ZNF529: variants seen among roughly 807,000 people sequenced by gnomAD.
The protein encoded by ZNF529 is zinc finger protein 529.
ZNF529 carries 11 observed loss-of-function variants against 10.1 expected under a neutral mutation model. That is an observed-to-expected ratio of 1.09 (90% CI 0.69 to 1.81). ZNF529 has a LOEUF of 1.81. ZNF529 is among the 40% of genes most tolerant of loss of function. The pLI, the probability that ZNF529 is intolerant of heterozygous loss-of-function variation, is 0.00. For missense variants in ZNF529, 624 were observed against 666.8 expected (o/e 0.94, Z 0.71); for synonymous variants, 204 against 215.7 (o/e 0.95, Z 0.47).
At chr19:36,574,014 C>T (rs1336498453), upstream of ZNF529, among the ~76,000 whole-genome samples, 1 of 152,132 alleles carries the variant, frequency 6.6e-6, no homozygotes, top group African/African-American at 2.4e-5. Flanking sequence ...TGCCTTAGGG[C>T]GTGTTTTACA....
intron 1 of ZNF529, among the ~76,000 whole-genome samples, chr19:36,604,402 G>C (rs1355821667): frequency 6.6e-6 from 1 of 151,980 alleles, no homozygotes; most frequent in African/African-American, 2.4e-5. Context: ...CTTTCTTTTC[G>C]ATAGCCATTT....
At chr19:36,566,829 G>A (rs889288043) in intron 2 of ZNF529, among the ~76,000 whole-genome samples, 2 of 152,014 alleles carry the variant, frequency 1.3e-5, no homozygotes, top group South Asian at 2.1e-4. Context: ...AGACCAGCCC[G>A]GCCAATATGG....
chr19:36,592,168 C>T (rs1006171544), intron 1 of ZNF529, among the ~76,000 whole-genome samples: 3 of 151,250 alleles, frequency 2.0e-5, no homozygotes, highest in African/African-American at 7.3e-5. Context: ...GCTTGTACTC[C>T]CAGTTACTTG....
At chr19:36,569,254 C>T (rs965399395) in intron 2 of ZNF529, among the ~76,000 whole-genome samples, 1 of 151,998 alleles carries the variant, frequency 6.6e-6, no homozygotes, top group African/African-American at 2.4e-5. Context: ...CAAAAGACTG[C>T]AAGGCATACA....
intron 1 of ZNF529, among the ~76,000 whole-genome samples, chr19:36,599,657 A>T (rs192343964): frequency 6.6e-6 from 1 of 152,346 alleles, no homozygotes; most frequent in East Asian, 1.9e-4. Flanking sequence ...TTATAAGTCA[A>T]CTTAGGTTAC....
intron 2 of ZNF529, among the ~76,000 whole-genome samples, chr19:36,585,143 G>A (rs2036552930): frequency 6.6e-6 from 1 of 152,184 alleles, no homozygotes; most frequent in African/African-American, 2.4e-5. Flanking sequence ...TTGCCTCTCT[G>A]AGTTTGTAGT....
At chr19:36,592,181 A>C (rs993643010) in intron 1 of ZNF529, among the ~76,000 whole-genome samples, 1 of 144,678 alleles carries the variant, frequency 6.9e-6, no homozygotes, top group Non-Finnish European at 1.5e-5. Context: ...GTTACTTGGG[A>C]GGCTGAGGTG....
At chr19:36,591,766 A>T (rs1007801179) in intron 1 of ZNF529, among the ~76,000 whole-genome samples, 1 of 152,010 alleles carries the variant, frequency 6.6e-6, no homozygotes, top group African/African-American at 2.4e-5. Context: ...TCAAAAAAAG[A>T]AATCTCCAGG....
intron 1 of ZNF529, among the ~76,000 whole-genome samples, chr19:36,592,063 C>T (rs527739286): frequency 2.0e-5 from 3 of 151,004 alleles, no homozygotes; most frequent in East Asian, 3.9e-4. Flanking sequence ...CACTTGAGGT[C>T]GGGAGTTGGG....
intron 2 of ZNF529, among the ~76,000 whole-genome samples, chr19:36,558,874 A>C (rs2035576200): frequency 6.6e-6 from 1 of 152,100 alleles, no homozygotes; most frequent in African/African-American, 2.4e-5. Flanking sequence ...AAATATGTGC[A>C]AATTATATAT....
In ZNF529 at chr19:36,544,856, A is replaced by C. The variant is rs1404489977; in HGVS notation, c.*2010T>G. On this transcript the variant is annotated 3_prime_UTR_variant, in exon 5 of 5. Transcript: ENST00000591340. Reference sequence around the variant, plus strand: ...GTACATAAATTCTGGGAAAGACATCAGTTTCAAAAATTAAAATGTAATGAA... The same window carrying C: ...GTACATAAATTCTGGGAAAGACATCCGTTTCAAAAATTAAAATGTAATGAA... The C allele has an allele frequency of 6.6e-6, 1 of 152,252 alleles. No homozygotes were observed. Among genetic ancestry groups the C allele is most frequent in the Non-Finnish European group, 1.5e-5 (1 of 68,044 alleles). The allele number at this position is 152,252 out of a possible 1,614,324, so 9.4% of individuals were successfully genotyped here.
At chr19:36,591,420 A>G (rs1460419725) in intron 1 of ZNF529, among the ~76,000 whole-genome samples, 2 of 151,750 alleles carry the variant, frequency 1.3e-5, no homozygotes, top group Non-Finnish European at 2.9e-5. Flanking sequence ...GATGAAACAG[A>G]TACATTAAGG....
At chr19:36,591,292 C>T (rs1347156286) in intron 1 of ZNF529, among the ~76,000 whole-genome samples, 9 of 135,154 alleles carry the variant, frequency 6.7e-5, no homozygotes, top group African/African-American at 1.1e-4. Context: ...AGTGAGACTC[C>T]GTCTCAAAAA....
At chr19:36,572,828 G>C (rs2036183341) in intron 1 of ZNF529, among the ~76,000 whole-genome samples, 1 of 151,592 alleles carries the variant, frequency 6.6e-6, no homozygotes, top group Non-Finnish European at 1.5e-5. Context: ...ACCTCACGAA[G>C]AGATTCCATC....
chr19:36,552,759 T>C (rs1458233262), intron 4 of ZNF529, among the ~76,000 whole-genome samples: 7 of 152,194 alleles, frequency 4.6e-5, no homozygotes, highest in Admixed American at 6.5e-5. Flanking sequence ...GCTTTGAGAA[T>C]TGGCTAAAGT....
In ZNF529 at chr19:36,556,158, G is replaced by A; in HGVS notation, c.54C>T (p.Val18=). 2.0e-6 allele frequency: 3 copies of A among 1,477,732 alleles called. No individual in the cohort carries two copies. Among genetic ancestry groups the A allele is most frequent in the Non-Finnish European group, 2.8e-6 (3 of 1,079,496 alleles). 91.5% of individuals were successfully genotyped at this position (1,477,732 alleles called of 1,614,324 possible). Residue 18 remains valine (V), a synonymous_variant, in exon 3 of 5, where the codon GTC becomes GTT. Coordinates refer to ENST00000591340, the MANE Select transcript of ZNF529 (RefSeq NM_020951.5). ...GDHVHGAPHA[V]MPEVEFPDQF... Reference sequence around the variant, plus strand: ...GGTCAGGGAATTCCACTTCTGGCATGACAGCATGAGGAGCTCCATGGACAT... The same window carrying A: ...GGTCAGGGAATTCCACTTCTGGCATAACAGCATGAGGAGCTCCATGGACAT...
At chr19:36,578,090 G>T, upstream of ZNF529, among the ~76,000 whole-genome samples, 1 of 53,022 alleles carries the variant, frequency 1.9e-5, no homozygotes, top group African/African-American at 1.1e-4. Context: ...TTGAGACGGA[G>T]TCTTAACTCT....
At chr19:36,558,033 A>G (rs1031227702) in intron 2 of ZNF529, among the ~76,000 whole-genome samples, 2 of 151,936 alleles carry the variant, frequency 1.3e-5, no homozygotes, top group African/African-American at 4.8e-5. Context: ...ACAAAGTATA[A>G]TAACTGAAAT....
chr19:36,554,670 C>A lies in ZNF529; in HGVS notation c.235G>T (p.Asp79Tyr). The change falls in exon 4 of 5, where the codon GAT becomes TAT. Residue 79 changes from aspartate (D) to tyrosine (Y), a missense_variant and splice_region_variant. Asp to Tyr is a radical substitution (Grantham distance 160, BLOSUM62 -3). Transcript: ENST00000591340. ...MENYSNLLSL[D>Y]LESRNETKHL... Reference sequence around the variant, plus strand: ...AGTTATTTAAGGCAGATAAATTTACCCAGTGAGAGTAAGTTGCTGTAGTTC... The same window carrying A: ...AGTTATTTAAGGCAGATAAATTTACACAGTGAGAGTAAGTTGCTGTAGTTC... 6.5e-7 allele frequency: 1 copy of A among 1,549,010 alleles called. No individual in the cohort carries two copies. Among genetic ancestry groups the A allele is most frequent in the South Asian group, 1.2e-5 (1 of 82,574 alleles).
Sources: gnomAD v4.1 joint callset for allele counts (sites outside exome capture counted in the v4.1 genomes callset) on GRCh38, gnomAD v4.1.1 for gene constraint, MANE v1.5 for transcripts, NCBI Gene and HGNC (gene_info 2026-07-23, HGNC 2026-07-21) for gene names.